Variants in MICAL3 observed in about 807,000 individuals in gnomAD.
MICAL3 encodes the protein [F-actin]-monooxygenase MICAL3.
Under a neutral mutation model 207.4 loss-of-function variants are expected in MICAL3, and 62 were observed. That is an observed-to-expected ratio of 0.30 (90% CI 0.24 to 0.37). MICAL3 has a LOEUF of 0.37. Among genes scored for constraint, MICAL3 ranks in the 10% least tolerant of loss-of-function variants. The pLI is 1.00. For synonymous variants in MICAL3, 1,077 were observed against 1,069.3 expected (o/e 1.01, Z -0.14); for missense variants, 2,368 against 2,635.6 (o/e 0.90, Z 2.22).
chr22:17,927,864 C>T (rs917703341), intron 1 of MICAL3, among the ~76,000 whole-genome samples: 2 of 152,110 alleles, frequency 1.3e-5, no homozygotes, highest in Admixed American at 1.3e-4. Flanking sequence ...CTCTGTTCTC[C>T]AAGCACCTCC....
chr22:17,955,810 G>C (rs772301545), intron 1 of MICAL3, among the ~76,000 whole-genome samples: 4 of 152,126 alleles, frequency 2.6e-5, no homozygotes, highest in Non-Finnish European at 4.4e-5. Flanking sequence ...TCTCATGCCT[G>C]AGAAGCCCCA....
chr22:17,875,682 T>TAAAAAAAA (rs60415785), intron 16 of MICAL3: 2 of 170,776 alleles, frequency 1.2e-5, no homozygotes, highest in African/African-American at 3.0e-5. Context: ...CCATGTATAG[T>TAAAAAAAA]AAAAAAAAAA....
chr22:17,885,501 T>C (rs186678158), intron 16 of MICAL3, among the ~76,000 whole-genome samples: 2 of 152,332 alleles, frequency 1.3e-5, no homozygotes, highest in Non-Finnish European at 2.9e-5. Context: ...TATTAATTAA[T>C]AGAATTACAG....
chr22:17,877,378 G>C (rs1429348658), intron 16 of MICAL3, among the ~76,000 whole-genome samples: 1 of 99,466 alleles, frequency 1.0e-5, no homozygotes. Context: ...AGGGAGGTGA[G>C]GGAGGTTATG....
intron 7 of MICAL3, among the ~76,000 whole-genome samples, chr22:17,898,673 A>G (rs1291874794): frequency 1.3e-5 from 2 of 152,218 alleles, no homozygotes; most frequent in African/African-American, 4.8e-5. Context: ...GCATGGGGAC[A>G]GTGATTCTCA....
At chr22:17,998,294 G>A (rs1380065015) in intron 1 of MICAL3, among the ~76,000 whole-genome samples, 2 of 81,744 alleles carry the variant, frequency 2.4e-5, no homozygotes, top group Non-Finnish European at 5.3e-5. Flanking sequence ...CAGAGCAAGA[G>A]ACTCCGTCTC....
At position 17,818,686 on chromosome 22, in the gene MICAL3, C is replaced by G. The variant is rs1241827893; in HGVS notation, c.3975G>C (p.Glu1325Asp). Residue 1325 changes from glutamate to aspartate, a missense_variant, in exon 26 of 32, where the codon GAG becomes GAC. Physicochemically the swap from Glu to Asp is conservative, Grantham distance 45. Coordinates refer to ENST00000441493, the MANE Select transcript of MICAL3 (RefSeq NM_015241.3). ...TCTCCGCACTCTTCATCCAGAACTC[C>G]TCCACCAGGTCGCTCCGTCTGAGGG... ...DEALRRSDLV[E>D]EFWMKSAEIR... 1.2e-6 allele frequency: 2 copies of G among 1,613,830 alleles called. No individual in the cohort carries two copies. The highest frequency in any genetic ancestry group is 1.7e-6 in the Non-Finnish European group (2 of 1,179,882).
At chr22:17,889,359 T>C (rs1930208572) in intron 12 of MICAL3, 129 bp from the exon 13 acceptor site, 10 of 604,022 alleles carry the variant, frequency 1.7e-5, no homozygotes, top group Non-Finnish European at 2.5e-5. Context: ...TCGCTGACAT[T>C]TGAGAGCAAA....
intron 29 of MICAL3, among the ~76,000 whole-genome samples, chr22:17,801,748 G>T (rs931432996): frequency 1.3e-5 from 2 of 152,018 alleles, no homozygotes; most frequent in Non-Finnish European, 2.9e-5. Context: ...ACAAAAATTA[G>T]CTGGGTGGGG....
intron 1 of MICAL3, among the ~76,000 whole-genome samples, chr22:17,942,399 T>G (rs1355466567): frequency 1.3e-5 from 2 of 152,094 alleles, no homozygotes; most frequent in Non-Finnish European, 2.9e-5. Flanking sequence ...CTCTGCCTGG[T>G]ACCACCTCCT....
intron 1 of MICAL3, among the ~76,000 whole-genome samples, chr22:17,929,895 C>T (rs563076367): frequency 6.6e-5 from 10 of 152,258 alleles, no homozygotes; most frequent in Admixed American, 2.6e-4. Context: ...AAGGAATAAA[C>T]CTCTTTAAAG....
chr22:17,899,868 C>T (rs1048838115), intron 6 of MICAL3, among the ~76,000 whole-genome samples: 9 of 151,974 alleles, frequency 5.9e-5, no homozygotes, highest in Admixed American at 1.3e-4. Context: ...GATTAGTTAT[C>T]GGGTTAAGCC....
intron 19 of MICAL3, among the ~76,000 whole-genome samples, chr22:17,857,895 T>G (rs1470392629): frequency 6.6e-6 from 1 of 152,234 alleles, no homozygotes; most frequent in African/African-American, 2.4e-5. Flanking sequence ...GTGACAAGGT[T>G]GGGCTTAGCT....
intron 1 of MICAL3, among the ~76,000 whole-genome samples, chr22:17,953,988 A>C (rs1934489801): frequency 1.3e-5 from 2 of 151,078 alleles, no homozygotes; most frequent in Admixed American, 6.6e-5. Flanking sequence ...AGAAAAAGAA[A>C]AGGAAGAGTT....
chr22:17,911,872 T>A (rs1569130101), intron 1 of MICAL3, among the ~76,000 whole-genome samples: 1 of 151,562 alleles, frequency 6.6e-6, no homozygotes, highest in Non-Finnish European at 1.5e-5. Context: ...GAGGAACACT[T>A]GATCATATTT....
chr22:17,882,721 C>T (rs896256973), intron 16 of MICAL3, among the ~76,000 whole-genome samples: 2 of 152,208 alleles, frequency 1.3e-5, no homozygotes, highest in African/African-American at 4.8e-5. Context: ...AAGAACCTAA[C>T]GGGGTTCTCA....
chr22:17,809,553 G>A (rs1878229624), intron 28 of MICAL3, among the ~76,000 whole-genome samples: 1 of 152,256 alleles, frequency 6.6e-6, no homozygotes, highest in African/African-American at 2.4e-5. Context: ...AGAATCGCTT[G>A]AACCAGGGAG....
intron 29 of MICAL3, among the ~76,000 whole-genome samples, chr22:17,792,813 G>A (rs2061837760): frequency 1.3e-5 from 2 of 152,260 alleles, no homozygotes; most frequent in African/African-American, 4.8e-5. Flanking sequence ...ACTGTGGAGT[G>A]TGTGCCTGAG....
intron 23 of MICAL3, 46 bp downstream of exon 23, chr22:17,822,901 T>C: frequency 7.5e-7 from 1 of 1,325,706 alleles, no homozygotes; most frequent in Non-Finnish European, 1.1e-6. Flanking sequence ...ATTGCCTTCA[T>C]CTTCCCTGAG....
Sources: allele counts gnomAD v4.1 joint callset (sites outside exome capture counted in the v4.1 genomes callset), GRCh38; gene constraint gnomAD v4.1.1; transcripts MANE v1.5; gene names NCBI Gene and HGNC (gene_info 2026-07-23, HGNC 2026-07-21).